The following RHOU variants were observed in gnomAD, a reference collection of about 807,000 sequenced individuals.
RHOU encodes the protein rho-related GTP-binding protein RhoU.
In RHOU, 8 loss-of-function variants were observed where a neutral mutation model predicts 12.6. The ratio of observed to expected loss-of-function variants is 0.64; its 90% CI spans 0.37 to 1.15. The LOEUF (loss-of-function observed/expected upper bound fraction) is 1.15, where lower values mean the gene tolerates loss of function less well. RHOU is among the 50% of genes most tolerant of loss of function. The pLI, the probability that RHOU is intolerant of heterozygous loss-of-function variation, is 0.01. For missense variants in RHOU, 258 were observed against 347.0 expected, an observed-to-expected ratio of 0.74 and a Z score of 2.04; for synonymous variants, 161 against 147.4, an observed-to-expected ratio of 1.09 and a Z score of -0.67.
At chr1:228,662,955 C>T in the RHOU span, among the ~76,000 whole-genome samples, 13 of 152,184 alleles carry the variant, frequency 8.5e-5, no homozygotes, top group African/African-American at 3.1e-4. Flanking sequence ...TCTGTCCCCT[C>T]GGGATCTGGC....
chr1:228,650,113 A>T, the RHOU span: 1 of 434,252 alleles, frequency 2.3e-6, no homozygotes, highest in Admixed American at 3.0e-5. Context: ...ACTCTTGAAT[A>T]CAGATTTCTA....
chr1:228,715,760 A>C, the RHOU span, among the ~76,000 whole-genome samples: 1 of 151,830 alleles, frequency 6.6e-6, no homozygotes, highest in African/African-American at 2.4e-5. Flanking sequence ...GGAATTACTA[A>C]TCTCCCATTA....
the RHOU span, among the ~76,000 whole-genome samples, chr1:228,649,131 C>A: frequency 6.6e-6 from 1 of 152,204 alleles, no homozygotes; most frequent in Non-Finnish European, 1.5e-5. Context: ...TCTTAAAATA[C>A]TAGGTTTACA....
the RHOU span, among the ~76,000 whole-genome samples, chr1:228,691,472 GT>G: frequency 7.9e-6 from 1 of 126,482 alleles, no homozygotes; most frequent in Non-Finnish European, 1.6e-5. Flanking sequence ...TGTTTCCATA[GT>G]TTTGTCTTTT....
the RHOU span, chr1:228,687,510 G>A: frequency 6.3e-7 from 1 of 1,582,116 alleles, no homozygotes; most frequent in Non-Finnish European, 8.6e-7. Flanking sequence ...CCAACGAGGT[G>A]GCCGAATCTT....
In RHOU at chr1:228,735,938, G is replaced by C. The variant is rs749748949; in HGVS notation, c.196G>C (p.Val66Leu). 6.3e-7 allele frequency: 1 copy of C among 1,577,002 alleles called. No individual in the cohort carries two copies. Among genetic ancestry groups the C allele is most frequent in the East Asian group, 2.5e-5 (1 of 40,574 alleles). The stretch of plus-strand genomic sequence containing the variant: ...CGGCGCGGTGGGCAAGACGAGCCTG[G>C]TGGTGAGCTACACCACCAACGGCTA... ...GDGAVGKTSL[V>L]VSYTTNGYPT... The change falls in exon 1 of 3, where the codon GTG (valine) becomes CTG (leucine). Residue 66 changes from valine (V) to leucine (L), a missense_variant. Val to Leu is a conservative substitution (Grantham distance 32, BLOSUM62 1). Transcript: ENST00000366691. This position sits in a 1 kb window ranked among gnomAD's most constrained non-coding sequence, Gnocchi z 8.1.
chr1:228,647,099 G>A, the RHOU span, among the ~76,000 whole-genome samples: 1 of 152,214 alleles, frequency 6.6e-6, no homozygotes, highest in Admixed American at 6.5e-5. Context: ...TACTTCGGTA[G>A]GCAGCCCCCT....
At chr1:228,649,681 C>G in the RHOU span, among the ~76,000 whole-genome samples, 1 of 152,100 alleles carries the variant, frequency 6.6e-6, no homozygotes, top group Non-Finnish European at 1.5e-5. Flanking sequence ...CCTAAATTGT[C>G]TTTTCTTTTT....
chr1:228,743,359 C>A lies in RHOU; in HGVS notation c.396C>A (p.Ser132Arg). Residue 132 changes from serine to arginine, a missense_variant, in exon 3 of 3, where the codon AGC (serine) becomes AGA (arginine). By Grantham distance (110) the Ser-to-Arg change is moderately radical. Transcript: ENST00000366691. The surrounding 1 kb of genome is among the most constrained non-coding windows in gnomAD (Gnocchi z 5.1). ...TCCTGCTCTGCTTCAGTGTCGTGAG[C>A]CCCTCATCCTTCCAGAACGTCAGTG... Reference protein sequence around the residue: ...DIFLLCFSVVSPSSFQNVSEK... With the variant: ...DIFLLCFSVVRPSSFQNVSEK... 6.2e-7 allele frequency: 1 copy of A among 1,614,200 alleles called. No homozygotes were observed. Among genetic ancestry groups the A allele is most frequent in the Non-Finnish European group, 8.5e-7 (1 of 1,180,034 alleles).
At chr1:228,650,430 T>A in the RHOU span, 1 of 456,950 alleles carries the variant, frequency 2.2e-6, no homozygotes, top group South Asian at 1.5e-5. Flanking sequence ...GTCAGCGTGC[T>A]ACTTGCTGCC....
At chr1:228,681,687 C>T in the RHOU span, among the ~76,000 whole-genome samples, 1 of 152,030 alleles carries the variant, frequency 6.6e-6, no homozygotes, top group East Asian at 1.9e-4. Flanking sequence ...GTATTGGGGC[C>T]AAGCGGTGTT....
At chr1:228,736,076 G>A in intron 1 of RHOU, 72 bp downstream of exon 1, 4 of 1,472,602 alleles carry the variant, frequency 2.7e-6, no homozygotes, top group Non-Finnish European at 3.6e-6. Flanking sequence ...GGTGGCGCGA[G>A]GGTCGCGAGG....
chr1:228,713,373 G>A, the RHOU span, among the ~76,000 whole-genome samples: 1 of 152,214 alleles, frequency 6.6e-6, no homozygotes, highest in East Asian at 1.9e-4. Flanking sequence ...GTGGATAGCT[G>A]AATATGTGGC....
the RHOU span, among the ~76,000 whole-genome samples, chr1:228,653,864 A>C: frequency 6.6e-6 from 1 of 152,240 alleles, no homozygotes; most frequent in Non-Finnish European, 1.5e-5. Flanking sequence ...TCTGCAAAAC[A>C]TTTTGTCTTT....
chr1:228,693,384 G>T, the RHOU span, among the ~76,000 whole-genome samples: 1 of 152,036 alleles, frequency 6.6e-6, no homozygotes, highest in African/African-American at 2.4e-5. Flanking sequence ...TTTGAAGTGT[G>T]GTAAAGGAAG....
At chr1:228,742,035 A>G (rs1024429383) in intron 2 of RHOU, among the ~76,000 whole-genome samples, 4 of 152,248 alleles carry the variant, frequency 2.6e-5, no homozygotes, top group Admixed American at 6.5e-5. Flanking sequence ...AATGTGATGT[A>G]AATGGTACTT....
the RHOU span, among the ~76,000 whole-genome samples, chr1:228,648,466 T>G: frequency 6.6e-6 from 1 of 152,228 alleles, no homozygotes; most frequent in African/African-American, 2.4e-5. Context: ...CCCACAGTCC[T>G]GGGATCTTCT....
In RHOU at chr1:228,743,560, C is replaced by T. The variant is rs1186111448; in HGVS notation, c.597C>T (p.Ser199=). ...KLCAEEIKAA[S]YIECSALTQK... ...GCGCCGAGGAAATCAAAGCCGCCTC[C>T]TACATCGAGTGTTCAGCCTTGACTC... The change falls in exon 3 of 3, where the codon TCC becomes TCT. Residue 199 remains serine (S), a synonymous_variant. Transcript: ENST00000366691. This position sits in a 1 kb window ranked among gnomAD's most constrained non-coding sequence, Gnocchi z 5.1. The T allele has an allele frequency of 1.2e-6, 2 of 1,614,134 alleles. No homozygotes were observed. Among genetic ancestry groups the T allele is most frequent in the Non-Finnish European group, 1.7e-6 (2 of 1,180,020 alleles).
chr1:228,665,704 G>C, the RHOU span, among the ~76,000 whole-genome samples: 6 of 152,188 alleles, frequency 3.9e-5, no homozygotes, highest in African/African-American at 1.4e-4. Flanking sequence ...CCAGAATAAA[G>C]AGCAAATTTG....
Sources: allele counts gnomAD v4.1 joint callset (sites outside exome capture counted in the v4.1 genomes callset), GRCh38; gene constraint gnomAD v4.1.1; non-coding constraint Gnocchi (gnomAD v3.1); transcripts MANE v1.5; gene names NCBI Gene and HGNC (gene_info 2026-07-23, HGNC 2026-07-21).